NCKAP5: variants seen among roughly 807,000 people sequenced by gnomAD.
NCKAP5 encodes NCK associated protein 5.
In NCKAP5, 92 loss-of-function variants were observed where a neutral mutation model predicts 167.0. That is an observed-to-expected ratio of 0.55 (90% CI 0.47 to 0.66). The LOEUF (loss-of-function observed/expected upper bound fraction) is 0.66, where lower values mean the gene tolerates loss of function less well. Ranked by LOEUF, NCKAP5 falls within the 30% of genes least tolerant of loss-of-function variation. The pLI, the probability that NCKAP5 is intolerant of heterozygous loss-of-function variation, is 0.00. For synonymous variants in NCKAP5, 891 were observed against 877.4 expected, an observed-to-expected ratio of 1.02 and a Z score of -0.27; for missense variants, 2,378 against 2,315.0, an observed-to-expected ratio of 1.03 and a Z score of -0.56.
At chr2:133,580,102 C>G in the NCKAP5 span, among the ~76,000 whole-genome samples, 3 of 152,098 alleles carry the variant, frequency 2.0e-5, no homozygotes, top group African/African-American at 7.2e-5. Context: ...AGATTGTTCC[C>G]CAATACTCAG....
chr2:133,485,007 C>T (rs115709388), intron 3 of NCKAP5, among the ~76,000 whole-genome samples: 1,834 of 152,210 alleles, frequency 0.012, 28 homozygotes, highest in African/African-American at 0.042. Flanking sequence ...CATCTGCAAA[C>T]GAAAGAAGTC....
chr2:133,007,840 A>C (rs1459707860), intron 6 of NCKAP5, among the ~76,000 whole-genome samples: 1 of 152,218 alleles, frequency 6.6e-6, no homozygotes, highest in African/African-American at 2.4e-5. Context: ...GGACAGGAAA[A>C]GATAAACTGG....
At chr2:133,271,205 TA>T (rs1392456512) in intron 4 of NCKAP5, among the ~76,000 whole-genome samples, 4 of 152,050 alleles carry the variant, frequency 2.6e-5, no homozygotes, top group Admixed American at 1.3e-4. Flanking sequence ...ATGCTAGGAT[TA>T]CAGGTGTGAG....
At chr2:133,511,648 T>A (rs988594403) in intron 3 of NCKAP5, among the ~76,000 whole-genome samples, 1 of 152,234 alleles carries the variant, frequency 6.6e-6, no homozygotes, top group Non-Finnish European at 1.5e-5. Flanking sequence ...GATCCTCAGA[T>A]GTCACGCCAT....
Position 132,783,236 on chromosome 2 carries a change from T to C in NCKAP5, c.3575A>G (p.Asp1192Gly), listed in dbSNP as rs763765996. The change falls in exon 14 of 20, where the codon GAC becomes GGC. Residue 1192 changes from aspartate to glycine, a missense_variant. Transcript: ENST00000409261. ...SVAVNKSKPE[D>G]SKNPASMEIT... ...CTCCATGCTTGCTGGATTCTTGGAG[T>C]CCTCTGGCTTAGACTTGTTCACAGC... The C allele has an allele frequency of 6.2e-7, 1 of 1,613,792 alleles. No individual in the cohort carries two copies. Among genetic ancestry groups the C allele is most frequent in the Admixed American group, 1.7e-5 (1 of 59,996 alleles).
chr2:132,978,492 G>A (rs891743229), intron 7 of NCKAP5, among the ~76,000 whole-genome samples: 4 of 152,168 alleles, frequency 2.6e-5, no homozygotes, highest in Admixed American at 2.6e-4. Flanking sequence ...TAGGCAAAAT[G>A]AGGTGGTTGG....
At chr2:133,307,863 C>T (rs1309588060) in intron 3 of NCKAP5, among the ~76,000 whole-genome samples, 1 of 151,818 alleles carries the variant, frequency 6.6e-6, no homozygotes, top group Non-Finnish European at 1.5e-5. Context: ...ATGGAATTCA[C>T]AATATAAAAA....
chr2:132,784,008 T>G lies in NCKAP5; in HGVS notation c.2803A>C (p.Arg935=), dbSNP rs897473403. Residue 935 remains arginine (R), a synonymous_variant, in exon 14 of 20, where the codon AGG becomes CGG. Coordinates refer to ENST00000409261, the MANE Select transcript of NCKAP5 (RefSeq NM_207363.3). ...GGCCTGGCCAGCAGGGAGACGGACC[T>G]GCCTGGAGGGGGCGGAGGGGAAGGG... is the stretch of plus-strand genomic sequence containing the variant. The part of the protein sequence containing the change: ...KSPSPPPPPG[R]SVSLLARPSY... 4 of 1,582,482 alleles carry G rather than the reference T, an allele frequency of 2.5e-6. No homozygotes were observed. In the African/African-American group the frequency reaches 4.1e-5, roughly 16 times the overall value.
intron 4 of NCKAP5, among the ~76,000 whole-genome samples, chr2:133,243,495 G>A (rs556956834): frequency 6.6e-6 from 1 of 152,284 alleles, no homozygotes; most frequent in African/African-American, 2.4e-5. Flanking sequence ...CAGTCCAGTA[G>A]CTATGGAAAC....
intron 8 of NCKAP5, among the ~76,000 whole-genome samples, chr2:132,895,875 C>T (rs143799186): frequency 0.011 from 1,634 of 151,318 alleles, 31 homozygotes; most frequent in African/African-American, 0.037. Context: ...TGGCCCATGC[C>T]TGTAATCCCA....
rs912658707 is a variant in NCKAP5, at chr2:132,723,309, G to A, written c.5713+2318C>T. 5.9e-5 allele frequency among the ~76,000 whole-genome samples: 9 copies of A among 151,758 alleles called. No homozygotes were observed. In the South Asian group the frequency reaches 6.3e-4, roughly 11 times the overall value. ...CTCCCAAGTAGCTGGGACTACAGGC[G>A]CCTGTCACCACGCCAGGCTAATTTT... On this transcript the variant is annotated intron_variant, in intron 19 of 19. Coordinates refer to ENST00000409261, the MANE Select transcript of NCKAP5 (RefSeq NM_207363.3).
At chr2:132,789,535 A>G (rs1683876880) in intron 13 of NCKAP5, among the ~76,000 whole-genome samples, 1 of 152,230 alleles carries the variant, frequency 6.6e-6, no homozygotes, top group Admixed American at 6.5e-5. Context: ...AATGGTAGAA[A>G]AATGACCTCC....
intron 4 of NCKAP5, among the ~76,000 whole-genome samples, chr2:133,242,181 C>T (rs1027773838): frequency 2.7e-5 from 4 of 145,830 alleles, no homozygotes; most frequent in Non-Finnish European, 4.5e-5. Flanking sequence ...TTCTGAATTA[C>T]ACATCCACCT....
At chr2:132,725,893 G>A (rs927342516) in intron 18 of NCKAP5, 134 bp from the exon 19 acceptor site, 18 of 941,082 alleles carry the variant, frequency 1.9e-5, no homozygotes, top group African/African-American at 6.8e-5. Flanking sequence ...TGCCCAGCCC[G>A]CCGCTCACCC....
At chr2:133,061,481 G>A (rs778811956) in intron 6 of NCKAP5, among the ~76,000 whole-genome samples, 3 of 152,158 alleles carry the variant, frequency 2.0e-5, no homozygotes, top group Non-Finnish European at 4.4e-5. Context: ...GTTTACCTAT[G>A]TAACAAACCT....
chr2:133,215,689 A>G (rs928661564), intron 4 of NCKAP5, among the ~76,000 whole-genome samples: 3 of 152,198 alleles, frequency 2.0e-5, no homozygotes. Context: ...TACTGCAAAT[A>G]TGCTGTTGAG....
In NCKAP5 at chr2:132,868,946, A is replaced by C. The variant is rs1690577972; in HGVS notation, c.677T>G (p.Leu226Arg). The change falls in exon 10 of 20, where the codon CTT (leucine) becomes CGT (arginine). Residue 226 changes from leucine (L) to arginine (R), a missense_variant. Physicochemically the swap from Leu to Arg is moderately radical, Grantham distance 102. Around this residue, in one of 3 missense-constraint regions of NCKAP5, gnomAD observed 1,049 missense variants for 1,023.4 expected, o/e 1.02. Transcript: ENST00000409261. ...EVANQVVQAL[L>R]TQKDLREECV... ...CAGAAAGTGACCTACCTTTTGAGTA[A>C]GCAGAGCTTGAACAACTTGGTTGGC... 1.9e-6 allele frequency: 3 copies of C among 1,548,334 alleles called. No individual in the cohort carries two copies. The highest frequency in any genetic ancestry group is 2.6e-6 in the Non-Finnish European group (3 of 1,147,138).
At position 133,205,696 on chromosome 2, in the gene NCKAP5, A is replaced by T. The variant is rs188133129; in HGVS notation, c.207+8020T>A. ...TCATTAAGATTATACTGAAAGCATAAATCATTTGGGGGTAAGCTGATATCT... is the reference window on the plus strand; with the variant it reads ...TCATTAAGATTATACTGAAAGCATATATCATTTGGGGGTAAGCTGATATCT... On this transcript the variant is annotated intron_variant, in intron 5 of 19. Coordinates refer to ENST00000409261, the MANE Select transcript of NCKAP5 (RefSeq NM_207363.3). Among the ~76,000 whole-genome samples the T allele has an allele frequency of 5.3e-3, 805 of 152,260 alleles. 9 individuals are homozygous for T. Among genetic ancestry groups the T allele is most frequent in the African/African-American group, 0.018 (766 of 41,560 alleles).
chr2:132,913,086 T>G (rs185861907), intron 8 of NCKAP5, among the ~76,000 whole-genome samples: 35 of 152,048 alleles, frequency 2.3e-4, no homozygotes, highest in African/African-American at 8.2e-4. Flanking sequence ...CTCAATAAAT[T>G]ATTCAGCTAC....
Sources: gnomAD v4.1 joint callset for allele counts (sites outside exome capture counted in the v4.1 genomes callset) on GRCh38, gnomAD v4.1.1 for gene constraint, gnomAD v4.1.1 regional missense constraint, MANE v1.5 for transcripts, NCBI Gene and HGNC (gene_info 2026-07-23, HGNC 2026-07-21) for gene names.